Variants in GMEB1 observed in about 807,000 individuals in gnomAD.
The protein encoded by GMEB1 is glucocorticoid modulatory element-binding protein 1.
A neutral mutation model predicts 52.4 loss-of-function variants in GMEB1; 6 were observed. That is an observed-to-expected ratio of 0.11 (90% CI 0.06 to 0.23). The LOEUF (loss-of-function observed/expected upper bound fraction) is 0.23. GMEB1 is among the 10% of genes least tolerant of loss of function. The pLI, the probability that GMEB1 is intolerant of heterozygous loss-of-function variation, is 1.00. For missense variants in GMEB1, 486 were observed against 685.6 expected (o/e 0.71, Z 3.25); for synonymous variants, 255 against 244.9 (o/e 1.04, Z -0.38).
intron 8 of GMEB1, among the ~76,000 whole-genome samples, chr1:28,709,175 C>T (rs1043921044): frequency 8.0e-5 from 12 of 150,204 alleles, no homozygotes; most frequent in South Asian, 2.1e-4. Context: ...GGCATGGTGG[C>T]GTGCACGTGT....
In GMEB1 at chr1:28,683,579, A is replaced by C; in HGVS notation, c.-30-4A>C. 6.3e-7 allele frequency: 1 copy of C among 1,580,554 alleles called. No homozygotes were observed. Among genetic ancestry groups the C allele is most frequent in the Non-Finnish European group, 8.6e-7 (1 of 1,164,722 alleles). ...AAGTTATTGGTGCTTCTTGTTCCCGACAGCAGTCCCAGCTATCTGACTTCA... is the reference window on the plus strand; with the variant it reads ...AAGTTATTGGTGCTTCTTGTTCCCGCCAGCAGTCCCAGCTATCTGACTTCA... On this transcript the variant is annotated splice_polypyrimidine_tract_variant and splice_region_variant and intron_variant, in intron 1 of 9. Transcript: ENST00000373816.
intron 9 of GMEB1, 60 bp from the exon 10 acceptor site, chr1:28,714,011 TCA>T (rs1671175369): frequency 8.1e-7 from 1 of 1,233,064 alleles, no homozygotes; most frequent in Non-Finnish European, 1.2e-6. Flanking sequence ...CTCCTGACTC[TCA>T]GTTTAATGCT....
chr1:28,687,444 G>T (rs1669733752), intron 2 of GMEB1, among the ~76,000 whole-genome samples: 2 of 147,834 alleles, frequency 1.4e-5, no homozygotes, highest in African/African-American at 2.5e-5. Context: ...GAGAAAGAAG[G>T]TATAAGAAAG....
chr1:28,690,185 T>C lies in GMEB1; in HGVS notation c.210T>C (p.Ile70=). 1 of 1,331,406 alleles carries C rather than the reference T, an allele frequency of 7.5e-7. No individual in the cohort carries two copies. Among genetic ancestry groups the C allele is most frequent in the Non-Finnish European group, 1.0e-6 (1 of 952,396 alleles). The allele number at this position is 1,331,406 out of a possible 1,614,324, so 82.5% of individuals were successfully genotyped here. A position where few individuals can be genotyped will look rare whatever the true frequency, so the allele number is the denominator to read the frequency against. The change falls in exon 3 of 10, where the codon ATT becomes ATC. Residue 70 remains isoleucine (I), a splice_region_variant and synonymous_variant. Coordinates refer to ENST00000373816, the MANE Select transcript of GMEB1 (RefSeq NM_001319674.2). ...THTIHKIEEG[I]DTGTIEANED... is the part of the protein sequence containing the mutation. ...CGATACACAAAATTGAAGAAGGGAT[T>C]GGTAAGGGTTTTTTTGTGTTTTTTT...
chr1:28,683,386 C>T (rs1669484989), intron 1 of GMEB1, among the ~76,000 whole-genome samples, 197 bp from the exon 2 acceptor site: 1 of 152,050 alleles, frequency 6.6e-6, no homozygotes, highest in Admixed American at 6.6e-5. Flanking sequence ...CCACCACGTA[C>T]CCGGTTAATT....
intron 2 of GMEB1, among the ~76,000 whole-genome samples, chr1:28,684,126 C>T (rs927129785): frequency 6.6e-6 from 1 of 152,110 alleles, no homozygotes. Context: ...ACTTTAGCCT[C>T]CTGAATAGCT....
intron 9 of GMEB1, among the ~76,000 whole-genome samples, chr1:28,713,370 C>T (rs557617150): frequency 6.3e-4 from 96 of 152,258 alleles, no homozygotes; most frequent in African/African-American, 2.2e-3. Context: ...GCCAACTTAC[C>T]AGTGGTCACC....
intron 2 of GMEB1, among the ~76,000 whole-genome samples, chr1:28,687,377 C>CCA: frequency 6.8e-5 from 1 of 14,798 alleles, no homozygotes; most frequent in Non-Finnish European, 1.6e-4. Context: ...CACACACACA[C>CCA]ACACACACAC....
At chr1:28,695,839 T>C (rs1350409292) in intron 5 of GMEB1, among the ~76,000 whole-genome samples, 1 of 132,920 alleles carries the variant, frequency 7.5e-6, no homozygotes, top group Non-Finnish European at 1.6e-5. Context: ...CTTGGGAGGC[T>C]GAGGCAGGAG....
intron 3 of GMEB1, 87 bp downstream of exon 3, chr1:28,690,273 C>A: frequency 3.1e-6 from 2 of 639,250 alleles, no homozygotes; most frequent in Non-Finnish European, 5.3e-6. Context: ...GTTTTCTTGC[C>A]ATCTGTGCCT....
In GMEB1 at chr1:28,705,163, C is replaced by T. The variant is rs1200936530; in HGVS notation, c.868+834C>T. Among the ~76,000 whole-genome samples, 3 of 149,326 alleles carry T rather than the reference C, an allele frequency of 2.0e-5. No homozygotes were observed. The Admixed American group carries it at 2.0e-4, about 10-fold the overall frequency. The stretch of plus-strand genomic sequence containing the variant: ...CAGTACATTAGGAGGCCGAGACCGG[C>T]GGATTACTTGAGGTCAGGAGTTCGA... On this transcript the variant is annotated intron_variant, in intron 8 of 9. Transcript: ENST00000373816.
rs1396882546 is a variant in GMEB1, at chr1:28,719,212, CTGTCT to C, written c.*4447_*4451del. 6.6e-6 allele frequency: 1 copy of C among 152,300 alleles called. No individual in the cohort carries two copies. Among genetic ancestry groups the C allele is most frequent in the East Asian group, 1.9e-4 (1 of 5,202 alleles). The allele number at this position is 152,300 out of a possible 1,614,324, so 9.4% of individuals were successfully genotyped here. Reference sequence around the variant, plus strand: ...GAAGGCCTGAGAGTCAGCTGTACAACTGTCTTGTCTTGGCCATGTCCCTGTTTGGT... The same window carrying C: ...GAAGGCCTGAGAGTCAGCTGTACAACTGTCTTGGCCATGTCCCTGTTTGGT... On this transcript the variant is annotated 3_prime_UTR_variant, in exon 10 of 10. Transcript: ENST00000373816.
Position 28,714,544 on chromosome 1 carries a change from T to C in GMEB1, c.1463T>C (p.Val488Ala). The change falls in exon 10 of 10, where the codon GTG becomes GCG. Residue 488 changes from valine (V) to alanine (A), a missense_variant. Val to Ala is a moderately conservative substitution (Grantham distance 64, BLOSUM62 0). Transcript: ENST00000373816. ...MTTMVSPVEL[V>A]AMESGLTSAI... ...ACCATGGTTAGCCCTGTGGAATTGG[T>C]GGCCATGGAGTCCGGCCTAACCTCG... The C allele has an allele frequency of 6.2e-7, 1 of 1,614,182 alleles. No homozygotes were observed.
intron 2 of GMEB1, among the ~76,000 whole-genome samples, chr1:28,689,150 A>C (rs1669835224): frequency 2.0e-5 from 3 of 151,954 alleles, no homozygotes; most frequent in African/African-American, 4.8e-5. Context: ...GTCCTTCCAA[A>C]GTGCTGGGAT....
rs1557527158 is a variant in GMEB1 at position 28,714,535 on chromosome 1, T to A, written c.1454T>A (p.Val485Glu). ...LGNMTTMVSP[V>E]ELVAMESGLT... ...AACATGACCACCATGGTTAGCCCTG[T>A]GGAATTGGTGGCCATGGAGTCCGGC... Residue 485 changes from valine (V) to glutamate (E), a missense_variant, in exon 10 of 10, where the codon GTG becomes GAG. Transcript: ENST00000373816. 1 of 1,614,156 alleles carries A rather than the reference T, an allele frequency of 6.2e-7. No homozygotes were observed. Among genetic ancestry groups the A allele is most frequent in the Non-Finnish European group, 8.5e-7 (1 of 1,180,032 alleles).
intron 6 of GMEB1, among the ~76,000 whole-genome samples, chr1:28,699,830 T>G (rs1379187395): frequency 6.6e-6 from 1 of 151,316 alleles, no homozygotes; most frequent in Non-Finnish European, 1.5e-5. Context: ...ATCCCAGCAC[T>G]CTGGGAAGCT....
chr1:28,708,290 G>T (rs987416219), intron 8 of GMEB1, among the ~76,000 whole-genome samples: 1 of 151,130 alleles, frequency 6.6e-6, no homozygotes, highest in Non-Finnish European at 1.5e-5. Flanking sequence ...TCAGCCTCCC[G>T]AGTAGCTGGT....
At position 28,716,599 on chromosome 1, in the gene GMEB1, T is replaced by G. The variant is rs975859411; in HGVS notation, c.*1826T>G. The stretch of plus-strand genomic sequence containing the variant: ...CTGAGATCATAAAAAGCTTTAGGCT[T>G]GGCAGAGAGGACTCAACACCCCCAG... On this transcript the variant is annotated 3_prime_UTR_variant, in exon 10 of 10. Transcript: ENST00000373816. The G allele has an allele frequency of 1.3e-5, 2 of 152,102 alleles. No individual in the cohort carries two copies. Among genetic ancestry groups the G allele is most frequent in the Non-Finnish European group, 2.9e-5 (2 of 68,030 alleles). 9.4% of individuals were successfully genotyped at this position (152,102 alleles called of 1,614,324 possible).
At chr1:28,688,678 G>T (rs1257491911) in intron 2 of GMEB1, among the ~76,000 whole-genome samples, 1 of 151,830 alleles carries the variant, frequency 6.6e-6, no homozygotes, top group Non-Finnish European at 1.5e-5. Flanking sequence ...TACCTTAAAA[G>T]ATGCTAAAAT....
Sources: allele counts gnomAD v4.1 joint callset (sites outside exome capture counted in the v4.1 genomes callset), GRCh38; gene constraint gnomAD v4.1.1; transcripts MANE v1.5; gene names NCBI Gene and HGNC (gene_info 2026-07-23, HGNC 2026-07-21).